EDIL3: variants seen among roughly 807,000 people sequenced by gnomAD.
The protein encoded by EDIL3 is EGF-like repeat and discoidin I-like domain-containing protein 3.
Under a neutral mutation model 67.4 loss-of-function variants are expected in EDIL3, and 37 were observed. That is an observed-to-expected ratio of 0.55 (90% CI 0.42 to 0.72). The LOEUF is 0.72. Among genes scored for constraint, EDIL3 ranks in the 30% least tolerant of loss-of-function variants. EDIL3 has a pLI of 0.00. For missense variants in EDIL3, 527 were observed against 586.3 expected, an observed-to-expected ratio of 0.90 and a Z score of 1.04; for synonymous variants, 195 against 196.3, an observed-to-expected ratio of 0.99 and a Z score of 0.05.
chr5:84,258,791 C>T (rs888357025), intron 1 of EDIL3, among the ~76,000 whole-genome samples: 13 of 152,056 alleles, frequency 8.5e-5, no homozygotes, highest in African/African-American at 2.9e-4. Context: ...CAAACTCTCT[C>T]GGCTAGAATT....
At chr5:84,134,280 T>C (rs1014743438) in intron 5 of EDIL3, among the ~76,000 whole-genome samples, 2 of 152,316 alleles carry the variant, frequency 1.3e-5, no homozygotes, top group Non-Finnish European at 1.5e-5. Context: ...TAAAATGTGG[T>C]ATATCACTAG....
At chr5:84,378,207 T>C (rs1748006842) in intron 1 of EDIL3, among the ~76,000 whole-genome samples, 1 of 152,204 alleles carries the variant, frequency 6.6e-6, no homozygotes, top group Admixed American at 6.5e-5. Context: ...AAGCAGGTTT[T>C]CAAGCTTAAA....
At chr5:84,176,141 TTTGA>T (rs1479602002) in intron 4 of EDIL3, among the ~76,000 whole-genome samples, 1 of 140,334 alleles carries the variant, frequency 7.1e-6, no homozygotes, top group Non-Finnish European at 1.5e-5. Flanking sequence ...GAGGGAAGTT[TTTGA>T]TTGTTTTTTT....
intron 2 of EDIL3, among the ~76,000 whole-genome samples, chr5:84,243,264 T>A (rs1744834423): frequency 6.6e-6 from 1 of 152,200 alleles, no homozygotes; most frequent in Admixed American, 6.5e-5. Context: ...CATTGAGAAG[T>A]GAGCTTTACT....
chr5:84,265,668 T>C (rs994007623), intron 1 of EDIL3, among the ~76,000 whole-genome samples: 3 of 152,188 alleles, frequency 2.0e-5, no homozygotes, highest in Admixed American at 2.0e-4. Context: ...ACAACAGTCT[T>C]AGGGAGCAAA....
chr5:84,308,301 A>C (rs1746313145), intron 1 of EDIL3, among the ~76,000 whole-genome samples: 1 of 152,206 alleles, frequency 6.6e-6, no homozygotes, highest in African/African-American at 2.4e-5. Context: ...GCTGAGTGTG[A>C]ATGGCCTGGA....
chr5:84,148,296 A>G (rs1469323999), intron 4 of EDIL3, among the ~76,000 whole-genome samples: 2 of 152,186 alleles, frequency 1.3e-5, no homozygotes, highest in Non-Finnish European at 2.9e-5. Flanking sequence ...AGAGTAAATA[A>G]ATGGGTAGAA....
chr5:84,237,146 T>C (rs1017934894), intron 2 of EDIL3, among the ~76,000 whole-genome samples: 2 of 152,108 alleles, frequency 1.3e-5, no homozygotes, highest in African/African-American at 4.8e-5. Context: ...TTATGTTCTA[T>C]GGATTTCTGC....
At chr5:84,362,902 A>G (rs1747641009) in intron 1 of EDIL3, among the ~76,000 whole-genome samples, 1 of 152,170 alleles carries the variant, frequency 6.6e-6, no homozygotes, top group South Asian at 2.1e-4. Flanking sequence ...AAGATGATCT[A>G]TGTCACTTCC....
At chr5:84,174,329 T>A (rs1279789355) in intron 4 of EDIL3, among the ~76,000 whole-genome samples, 1 of 152,204 alleles carries the variant, frequency 6.6e-6, no homozygotes, top group Non-Finnish European at 1.5e-5. Context: ...AGAGGCCATA[T>A]GTAGAACTAA....
chr5:84,297,104 C>A (rs1170677040), intron 1 of EDIL3, among the ~76,000 whole-genome samples: 1 of 150,152 alleles, frequency 6.7e-6, no homozygotes, highest in Non-Finnish European at 1.5e-5. Flanking sequence ...ATGGTGTGAA[C>A]CCAGGAGGCA....
intron 4 of EDIL3, among the ~76,000 whole-genome samples, chr5:84,164,760 G>GCCTTTAAGTTAATCTATGCTT (rs1321403966): frequency 1.1e-4 from 16 of 152,210 alleles, no homozygotes; most frequent in African/African-American, 3.9e-4. Flanking sequence ...GACTCAGGCA[G>GCCTTTAAGTTAATCTATGCTT]AAATTATCTT....
intron 2 of EDIL3, among the ~76,000 whole-genome samples, chr5:84,233,917 G>C (rs1744630372): frequency 6.6e-6 from 1 of 152,124 alleles, no homozygotes; most frequent in Non-Finnish European, 1.5e-5. Flanking sequence ...CAGAAACAAA[G>C]ATTTTAGAAT....
rs1039701943 is a variant in EDIL3, at chr5:84,180,591, C to T, written c.227-70G>A. ...AAGTAGACATTAGGTCAACATTTTG[C>T]AATTAATAATTTTACAGAAAAAAGT... is the stretch of plus-strand genomic sequence containing the variant. On this transcript the variant is annotated intron_variant, in intron 3 of 10. Transcript: ENST00000296591. 2.8e-6 allele frequency: 4 copies of T among 1,433,216 alleles called. No homozygotes were observed. The South Asian group carries it at 4.7e-5, about 17-fold the overall frequency. 88.8% of individuals were successfully genotyped at this position (1,433,216 alleles called of 1,614,324 possible). A position where few individuals can be genotyped will look rare whatever the true frequency, so the allele number is the denominator to read the frequency against.
intron 9 of EDIL3, among the ~76,000 whole-genome samples, chr5:84,024,679 A>C (rs1745780584): frequency 1.3e-5 from 2 of 152,170 alleles, no homozygotes; most frequent in African/African-American, 4.8e-5. Context: ...ACCTCAGTCC[A>C]TAATAGTTCA....
At position 84,117,017 on chromosome 5, in the gene EDIL3, CTTATTTTTTTT is replaced by C. The variant is rs1425359526; in HGVS notation, c.470-10198_470-10188del. Among the ~76,000 whole-genome samples, 4 of 93,140 alleles carry C rather than the reference CTTATTTTTTTT, an allele frequency of 4.3e-5. No homozygotes were observed. In the East Asian group the frequency reaches 1.7e-3, roughly 39 times the overall value. 61.1% of individuals were successfully genotyped at this position (93,140 alleles called of 152,430 possible). The stretch of plus-strand genomic sequence containing the variant: ...CATTATGTAGTATCCAAGTTAAGTA[CTTATTTTTTTT>C]TTTTTTTTTTTTTTTTTGAGACGGA... On this transcript the variant is annotated intron_variant, in intron 5 of 10. Coordinates refer to ENST00000296591, the MANE Select transcript of EDIL3 (RefSeq NM_005711.5).
At chr5:84,332,133 C>T (rs1395182304) in intron 1 of EDIL3, among the ~76,000 whole-genome samples, 1 of 152,088 alleles carries the variant, frequency 6.6e-6, no homozygotes, top group Non-Finnish European at 1.5e-5. Flanking sequence ...CTTTGAGAGT[C>T]CAAGGTGGGA....
chr5:84,119,235 TTC>T (rs1491084385), intron 5 of EDIL3, among the ~76,000 whole-genome samples: 1 of 148,898 alleles, frequency 6.7e-6, no homozygotes, highest in African/African-American at 2.5e-5. Flanking sequence ...TTTTTTTTTT[TTC>T]ACAGAAATGA....
In EDIL3 at chr5:84,384,295, C is replaced by G. The variant is rs768599682; in HGVS notation, c.67+13G>C. The G allele has an allele frequency of 6.2e-7, 1 of 1,606,768 alleles. No homozygotes were observed. Among genetic ancestry groups the G allele is most frequent in the South Asian group, 1.1e-5 (1 of 90,000 alleles). On this transcript the variant is annotated intron_variant, in intron 1 of 10. Transcript: ENST00000296591. ...CCATCCCTCACCCAGCTGTCCGGGT[C>G]CCGACGCCTTACCTTTGCCGAACTG...
Sources: gnomAD v4.1 joint callset for allele counts (sites outside exome capture counted in the v4.1 genomes callset) on GRCh38, gnomAD v4.1.1 for gene constraint, MANE v1.5 for transcripts, NCBI Gene and HGNC (gene_info 2026-07-23, HGNC 2026-07-21) for gene names.